The following PDE11A variants were observed in gnomAD, a reference collection of about 807,000 sequenced individuals.
PDE11A encodes the protein phosphodiesterase 11A.
A neutral mutation model predicts 100.5 loss-of-function variants in PDE11A; 100 were observed. That is an observed-to-expected ratio of 1.00 (90% confidence interval 0.85 to 1.18). PDE11A has a LOEUF of 1.18. Among genes scored for constraint, PDE11A ranks in the 50% most tolerant of loss-of-function variants. The pLI is 0.00. For missense variants in PDE11A, 1,141 were observed against 1,152.6 expected, an observed-to-expected ratio of 0.99 and a Z score of 0.15; for synonymous variants, 381 against 420.8, an observed-to-expected ratio of 0.91 and a Z score of 1.16.
intron 2 of PDE11A, among the ~76,000 whole-genome samples, chr2:177,907,539 T>C (rs1438905121): frequency 6.6e-6 from 1 of 152,208 alleles, no homozygotes; most frequent in Non-Finnish European, 1.5e-5. Context: ...AGTTTGCAGA[T>C]TAGAAAACTG....
At chr2:177,769,081 C>T (rs918687038) in intron 10 of PDE11A, among the ~76,000 whole-genome samples, 1 of 152,060 alleles carries the variant, frequency 6.6e-6, no homozygotes, top group South Asian at 2.1e-4. Flanking sequence ...TCCCTGATAT[C>T]GTGCTTTCTT....
intron 5 of PDE11A, among the ~76,000 whole-genome samples, chr2:177,853,680 A>ATATATATATATGTGTGTGTGTGTG (rs2083766252): frequency 2.7e-5 from 1 of 36,510 alleles, no homozygotes; most frequent in Non-Finnish European, 5.2e-5. Flanking sequence ...ATATATATAT[A>ATATATATATATGTGTGTGTGTGTG]TGTGTGTGTG....
rs867179534 is a variant in PDE11A, at chr2:177,947,624, C to T, written c.1072-42437G>A. On this transcript the variant is annotated intron_variant, in intron 2 of 19. Transcript: ENST00000286063. ...GATCTCAAGTAATCAGGGACACAAA[C>T]ACTGCGGAAGGCCGCAGGGTCCTCT... 1.5e-4 allele frequency among the ~76,000 whole-genome samples: 23 copies of T among 151,894 alleles called. No homozygotes were observed. In the East Asian group the frequency reaches 4.5e-3, roughly 30 times the overall value.
In PDE11A at chr2:177,788,296, C is replaced by T. The variant is rs949938894; in HGVS notation, c.1738-18923G>A. Among the ~76,000 whole-genome samples, 7 of 143,846 alleles carry T rather than the reference C, an allele frequency of 4.9e-5. 1 individual carries two copies. Among genetic ancestry groups the T allele is most frequent in the Non-Finnish European group, 1.1e-4 (7 of 65,746 alleles). 94.4% of individuals were successfully genotyped at this position (143,846 alleles called of 152,430 possible). A position where few individuals can be genotyped will look rare whatever the true frequency, so the allele number is the denominator to read the frequency against. ...CCTGCTCCTGAATGACTACTGGGTA[C>T]GTAATGAAATGAAGGCAGAAATAAA... On this transcript the variant is annotated intron_variant, in intron 9 of 19. Coordinates refer to ENST00000286063, the MANE Select transcript of PDE11A (RefSeq NM_016953.4).
Position 178,010,352 on chromosome 2 carries a change from G to A in PDE11A, c.1071+3950C>T, listed in dbSNP as rs555012460. 5.2e-4 allele frequency among the ~76,000 whole-genome samples: 79 copies of A among 152,306 alleles called. 4 individuals are homozygous for A. The South Asian group carries it at 0.016, about 32-fold the overall frequency. On this transcript the variant is annotated intron_variant, in intron 2 of 19. Coordinates refer to ENST00000286063, the MANE Select transcript of PDE11A (RefSeq NM_016953.4). ...GTTTATGCTATTGAACGTGGGACAAGGTTTTCTGAAGTCTGCTTGGCTGAC... is the reference window on the plus strand; with the variant it reads ...GTTTATGCTATTGAACGTGGGACAAAGTTTTCTGAAGTCTGCTTGGCTGAC...
At chr2:177,880,137 C>T (rs938488406) in intron 4 of PDE11A, among the ~76,000 whole-genome samples, 1 of 152,186 alleles carries the variant, frequency 6.6e-6, no homozygotes, top group Non-Finnish European at 1.5e-5. Context: ...ACTGAACCTT[C>T]CCTAAAGAGA....
At chr2:178,064,210 C>G (rs1489031549) in intron 1 of PDE11A, among the ~76,000 whole-genome samples, 1 of 152,276 alleles carries the variant, frequency 6.6e-6, no homozygotes, top group African/African-American at 2.4e-5. Flanking sequence ...CACTCTGATG[C>G]CTTTTACAGT....
chr2:177,721,306 G>C (rs534775398), intron 12 of PDE11A, among the ~76,000 whole-genome samples: 14 of 152,024 alleles, frequency 9.2e-5, no homozygotes, highest in Admixed American at 5.3e-4. Context: ...GTTTGCTAGC[G>C]TATTTCAAAG....
Position 177,626,701 on chromosome 2 carries a change from C to A in PDE11A, c.*2706G>T, listed in dbSNP as rs986966736. ...GCATTCATTTCCCCCTCTACTTTCT[C>A]CAGTCTTCCCTGCAGAGACAGCTGT... On this transcript the variant is annotated 3_prime_UTR_variant, in exon 20 of 20. Coordinates refer to ENST00000286063, the MANE Select transcript of PDE11A (RefSeq NM_016953.4). 1 of 152,524 alleles carries A rather than the reference C, an allele frequency of 6.6e-6. No individual in the cohort carries two copies. Among genetic ancestry groups the A allele is most frequent in the Non-Finnish European group, 1.5e-5 (1 of 68,052 alleles). 9.4% of individuals were successfully genotyped at this position (152,524 alleles called of 1,614,324 possible). A position where few individuals can be genotyped will look rare whatever the true frequency, so the allele number is the denominator to read the frequency against.
chr2:177,703,644 A>G (rs181888028), intron 13 of PDE11A, among the ~76,000 whole-genome samples: 11 of 152,272 alleles, frequency 7.2e-5, no homozygotes, highest in Non-Finnish European at 1.5e-4. Context: ...TCTAGTCAAG[A>G]TACAAAATGT....
At chr2:177,984,450 T>G (rs1480185750) in intron 2 of PDE11A, among the ~76,000 whole-genome samples, 1 of 152,226 alleles carries the variant, frequency 6.6e-6, no homozygotes, top group Non-Finnish European at 1.5e-5. Flanking sequence ...GTTATATCTG[T>G]GCCTCCTTGG....
rs114814489 is a variant in PDE11A at position 177,745,567 on chromosome 2, C to T, written c.1789-17395G>A. Among the ~76,000 whole-genome samples, 294 of 152,302 alleles carry T rather than the reference C, an allele frequency of 1.9e-3. 1 individual carries two copies. Among genetic ancestry groups the T allele is most frequent in the African/African-American group, 6.8e-3 (283 of 41,568 alleles). On this transcript the variant is annotated intron_variant, in intron 10 of 19. Coordinates refer to ENST00000286063, the MANE Select transcript of PDE11A (RefSeq NM_016953.4). ...GTGGGAAGCCAGGGCTAGTCCCACT[C>T]CACTGGCAGGCTTGCTGGGCCTTGA...
chr2:177,744,238 G>A (rs1396724002), intron 10 of PDE11A, among the ~76,000 whole-genome samples: 2 of 152,180 alleles, frequency 1.3e-5, no homozygotes, highest in Non-Finnish European at 2.9e-5. Context: ...GAGGATAAGA[G>A]ACATGCTCTA....
At position 177,771,259 on chromosome 2, in the gene PDE11A, T is replaced by A. The variant is rs76975897; in HGVS notation, c.1738-1886A>T. ...AGTAAAGTAACATGCTTTATTTCAT[T>A]AAACTTAGTATTTCCCAAATTTAAT... is the stretch of plus-strand genomic sequence containing the variant. On this transcript the variant is annotated intron_variant, in intron 9 of 19. Coordinates refer to ENST00000286063, the MANE Select transcript of PDE11A (RefSeq NM_016953.4). Among the ~76,000 whole-genome samples, 1,190 of 152,366 alleles carry A rather than the reference T, an allele frequency of 7.8e-3. 15 individuals are homozygous for A. The highest frequency in any genetic ancestry group is 0.027 in the African/African-American group (1,123 of 41,586).
chr2:177,816,760 C>A (rs1373365086), intron 9 of PDE11A, 69 bp downstream of exon 9: 1 of 873,452 alleles, frequency 1.1e-6, no homozygotes, highest in Non-Finnish European at 2.0e-6. Context: ...GCCCCATAAC[C>A]AGGGAAATTT....
intron 1 of PDE11A, among the ~76,000 whole-genome samples, chr2:178,019,682 G>A (rs1159987550): frequency 6.6e-6 from 1 of 152,190 alleles, no homozygotes; most frequent in Non-Finnish European, 1.5e-5. Flanking sequence ...GATAGTCTGG[G>A]TTTAAGAAAA....
At chr2:177,716,262 C>G (rs929707917) in intron 12 of PDE11A, among the ~76,000 whole-genome samples, 1 of 152,134 alleles carries the variant, frequency 6.6e-6, no homozygotes, top group African/African-American at 2.4e-5. Context: ...GGGATGGAGA[C>G]TTAGGCACTC....
chr2:177,867,973 C>A (rs371041864), intron 5 of PDE11A, among the ~76,000 whole-genome samples: 88 of 152,260 alleles, frequency 5.8e-4, no homozygotes, highest in African/African-American at 2.0e-3. Flanking sequence ...ACTAGAGCTA[C>A]GTCTCATGGG....
At chr2:177,801,719 T>C (rs1297478845) in intron 9 of PDE11A, among the ~76,000 whole-genome samples, 1 of 152,036 alleles carries the variant, frequency 6.6e-6, no homozygotes, top group African/African-American at 2.4e-5. Flanking sequence ...AGATGAATCA[T>C]AGAGCAAAAT....
Sources: allele counts gnomAD v4.1 joint callset (sites outside exome capture counted in the v4.1 genomes callset), GRCh38; gene constraint gnomAD v4.1.1; transcripts MANE v1.5; gene names NCBI Gene and HGNC (gene_info 2026-07-23, HGNC 2026-07-21).